The following PIK3R1 variants were observed in gnomAD, a reference collection of about 807,000 sequenced individuals.
PIK3R1 encodes the protein phosphoinositide-3-kinase regulatory subunit 1, also known as phosphatidylinositol 3-kinase regulatory subunit alpha.
A neutral mutation model predicts 98.0 loss-of-function variants in PIK3R1; 29 were observed. The ratio of observed to expected loss-of-function variants is 0.30; its 90% confidence interval spans 0.22 to 0.40. PIK3R1 has a LOEUF of 0.40. Ranked by LOEUF, PIK3R1 falls within the 10% of genes least tolerant of loss-of-function variation. PIK3R1 has a pLI of 1.00. For synonymous variants in PIK3R1, 282 were observed against 311.8 expected, an observed-to-expected ratio of 0.90 and a Z score of 1.01; for missense variants, 596 against 872.7, an observed-to-expected ratio of 0.68 and a Z score of 3.99.
At chr5:68,227,202 G>T (rs559632487) in intron 2 of PIK3R1, among the ~76,000 whole-genome samples, 193 bp downstream of exon 2, 1 of 152,318 alleles carries the variant, frequency 6.6e-6, no homozygotes, top group East Asian at 1.9e-4. Context: ...GTTGGAAGTT[G>T]TTATAAAAAT....
intron 7 of PIK3R1, among the ~76,000 whole-genome samples, chr5:68,284,352 T>C (rs564130076): frequency 6.6e-6 from 1 of 152,300 alleles, no homozygotes; most frequent in South Asian, 2.1e-4. Context: ...TAGGAGCCTG[T>C]AGGGGCTAAA....
rs370076927 is a variant in PIK3R1, at chr5:68,301,689, G to C, written c.*4088G>C. The C allele has an allele frequency of 3.1e-3, 336 of 107,772 alleles. No homozygotes were observed. Among genetic ancestry groups the C allele is most frequent in the Non-Finnish European group, 4.3e-3 (248 of 57,532 alleles). 6.7% of individuals were successfully genotyped at this position (107,772 alleles called of 1,614,324 possible). A position where few individuals can be genotyped will look rare whatever the true frequency, so the allele number is the denominator to read the frequency against. ...TTTGCCTTCACAAGGCAACTGGGGT[G>C]GGGGGTGGGGGTAGTGTGCCTCCTT... On this transcript the variant is annotated 3_prime_UTR_variant, in exon 16 of 16. Transcript: ENST00000521381.
At chr5:68,279,497 T>G in intron 4 of PIK3R1, 105 bp from the exon 5 acceptor site, 2 of 157,780 alleles carry the variant, frequency 1.3e-5, no homozygotes, top group Non-Finnish European at 9.6e-6. Context: ...GCTTCCTTAT[T>G]TTTTTTTTTT....
chr5:68,225,081 T>C (rs532084277), intron 1 of PIK3R1, among the ~76,000 whole-genome samples: 4 of 152,366 alleles, frequency 2.6e-5, no homozygotes, highest in African/African-American at 9.6e-5. Context: ...CTTGACTCAG[T>C]CTCTCCTGTC....
chr5:68,219,344 A>G (rs1345298704), intron 1 of PIK3R1, among the ~76,000 whole-genome samples: 4 of 152,234 alleles, frequency 2.6e-5, no homozygotes, highest in African/African-American at 7.2e-5. Flanking sequence ...TATTGAAGTC[A>G]CAGGAGTCTG....
intron 4 of PIK3R1, among the ~76,000 whole-genome samples, chr5:68,278,886 G>GCCGA (rs1389441301): frequency 6.6e-6 from 1 of 151,080 alleles, no homozygotes; most frequent in Non-Finnish European, 1.5e-5. Flanking sequence ...GTTGCAGTGA[G>GCCGA]CCGAGATCAC....
At position 68,284,993 on chromosome 5, in the gene PIK3R1, T is replaced by C. The variant is rs191149370; in HGVS notation, c.916+3987T>C. 2.6e-5 allele frequency among the ~76,000 whole-genome samples: 4 copies of C among 152,282 alleles called. No homozygotes were observed. In the East Asian group the frequency reaches 7.7e-4, roughly 29 times the overall value. On this transcript the variant is annotated intron_variant, in intron 7 of 15. Coordinates refer to ENST00000521381, the MANE Select transcript of PIK3R1 (RefSeq NM_181523.3). ...TTAACTTGTCGTTTGGCTTTCAATA[T>C]TTTTTTCTTGAATCATTGTGTTATC... is the stretch of plus-strand genomic sequence containing the variant.
At chr5:68,235,440 A>G (rs1047697547) in intron 2 of PIK3R1, among the ~76,000 whole-genome samples, 22 of 143,036 alleles carry the variant, frequency 1.5e-4, no homozygotes, top group African/African-American at 5.9e-4. Context: ...AAATAAATAA[A>G]TAAATAATTT....
chr5:68,264,725 G>T (rs1021577978), intron 2 of PIK3R1, among the ~76,000 whole-genome samples: 1 of 152,166 alleles, frequency 6.6e-6, no homozygotes, highest in Non-Finnish European at 1.5e-5. Context: ...GGTAGGAAAG[G>T]CTCTGGCATG....
At chr5:68,255,835 G>T (rs907566470) in intron 2 of PIK3R1, among the ~76,000 whole-genome samples, 2 of 152,184 alleles carry the variant, frequency 1.3e-5, no homozygotes, top group Admixed American at 1.3e-4. Flanking sequence ...CCCAAAAAGT[G>T]GTGATTATTT....
chr5:68,272,803 AC>A (rs1174026838), intron 2 of PIK3R1, among the ~76,000 whole-genome samples: 1 of 152,168 alleles, frequency 6.6e-6, no homozygotes, highest in Non-Finnish European at 1.5e-5. Flanking sequence ...TGGATCTGAG[AC>A]TCAGCCCATA....
Position 68,226,780 on chromosome 5 carries a change from G to A in PIK3R1, c.105G>A (p.Gly35=), listed in dbSNP as rs769581765. Residue 35 remains glycine, a synonymous_variant, in exon 2 of 16, where the codon GGG becomes GGA. Transcript: ENST00000521381. ...GTGACATATTGACTGTGAATAAAGG[G>A]TCCTTAGTAGCTCTTGGATTCAGTG... is the stretch of plus-strand genomic sequence containing the variant. ...HLGDILTVNK[G]SLVALGFSDG... 22 of 1,613,966 alleles carry A rather than the reference G, an allele frequency of 1.4e-5. No homozygotes were observed. In the South Asian group the frequency reaches 2.0e-4, roughly 14 times the overall value.
intron 14 of PIK3R1, 65 bp downstream of exon 14, chr5:68,295,553 G>A (rs1389960786): frequency 1.5e-6 from 2 of 1,377,562 alleles, no homozygotes; most frequent in Admixed American, 3.4e-5. Context: ...TGCATGACTT[G>A]CTTTGTTTTT....
chr5:68,288,683 G>A (rs1747209682), intron 7 of PIK3R1: 2 of 1,611,108 alleles, frequency 1.2e-6, no homozygotes, highest in Non-Finnish European at 1.7e-6. Flanking sequence ...CAGCTTTGGG[G>A]ATTTTTTTTT....
At chr5:68,294,407 G>T in intron 11 of PIK3R1, 129 bp from the exon 12 acceptor site, 2 of 587,260 alleles carry the variant, frequency 3.4e-6, no homozygotes, top group Non-Finnish European at 2.7e-6. Flanking sequence ...CTGGGATACT[G>T]TTTTAATGGA....
intron 2 of PIK3R1, among the ~76,000 whole-genome samples, chr5:68,255,157 A>G (rs562426202): frequency 1.2e-3 from 188 of 152,296 alleles, no homozygotes; most frequent in Non-Finnish European, 1.8e-3. Flanking sequence ...GCAGCATCTG[A>G]TTTTCTAAAA....
intron 15 of PIK3R1, among the ~76,000 whole-genome samples, chr5:68,296,926 A>T (rs909813102): frequency 6.6e-6 from 1 of 152,200 alleles, no homozygotes; most frequent in African/African-American, 2.4e-5. Flanking sequence ...AAAGAAGGGT[A>T]CTTTTGTCCT....
At chr5:68,273,713 A>G in intron 3 of PIK3R1, 1 of 591,700 alleles carries the variant, frequency 1.7e-6, no homozygotes, top group Middle Eastern at 4.4e-4. Context: ...TAAATTCTTC[A>G]TAATTTAATA....
At chr5:68,255,421 C>T (rs1459142835) in intron 2 of PIK3R1, among the ~76,000 whole-genome samples, 2 of 151,922 alleles carry the variant, frequency 1.3e-5, no homozygotes, top group African/African-American at 4.8e-5. Flanking sequence ...TCAGCCTCAT[C>T]CTGTGCTTCA....
Sources: allele counts gnomAD v4.1 joint callset (sites outside exome capture counted in the v4.1 genomes callset), GRCh38; gene constraint gnomAD v4.1.1; transcripts MANE v1.5; gene names NCBI Gene and HGNC (gene_info 2026-07-23, HGNC 2026-07-21).